Variants in TBX20 observed in about 807,000 individuals in gnomAD.
The protein encoded by TBX20 is T-box transcription factor 20, also known as T-box transcription factor TBX20.
A neutral mutation model predicts 42.9 loss-of-function variants in TBX20; 8 were observed. The ratio of observed to expected loss-of-function variants is 0.19; its 90% CI spans 0.11 to 0.34. The LOEUF is 0.34. TBX20 is among the 10% of genes least tolerant of loss of function. The pLI, the probability that TBX20 is intolerant of heterozygous loss-of-function variation, is 1.00. For synonymous variants in TBX20, 198 were observed against 222.8 expected (o/e 0.89, Z 0.99); for missense variants, 411 against 566.0 (o/e 0.73, Z 2.78).
At chr7:35,219,377 G>A (rs1291621519) in intron 6 of TBX20, among the ~76,000 whole-genome samples, 1 of 152,138 alleles carries the variant, frequency 6.6e-6, no homozygotes, top group Non-Finnish European at 1.5e-5. Flanking sequence ...AAAACAGACC[G>A]TGTTCCAATA....
rs776894989 is a variant in TBX20 at position 35,250,208 on chromosome 7, A to C, written c.128-5T>G. Reference sequence around the variant, plus strand: ...ACGACTTCTCCACAAATTGCTCTGGAGGTAAAGAGAATTGTGAATGACAGC... The same window carrying C: ...ACGACTTCTCCACAAATTGCTCTGGCGGTAAAGAGAATTGTGAATGACAGC... On this transcript the variant is annotated splice_polypyrimidine_tract_variant and splice_region_variant and intron_variant, in intron 1 of 7. Transcript: ENST00000408931. 2 of 1,613,982 alleles carry C rather than the reference A, an allele frequency of 1.2e-6. No individual in the cohort carries two copies. The highest frequency in any genetic ancestry group is 2.2e-5 in the South Asian group (2 of 90,996).
chr7:35,218,031 T>A (rs562887984), intron 6 of TBX20, among the ~76,000 whole-genome samples: 1 of 152,328 alleles, frequency 6.6e-6, no homozygotes, highest in East Asian at 1.9e-4. Flanking sequence ...AAAAGCAGAC[T>A]TTAATCTGTC....
At chr7:35,216,932 A>G (rs1789602007) in intron 6 of TBX20, among the ~76,000 whole-genome samples, 1 of 152,154 alleles carries the variant, frequency 6.6e-6, no homozygotes, top group Admixed American at 6.5e-5. Flanking sequence ...CCTTGTCACA[A>G]TATTTTTCTA....
At chr7:35,229,897 T>C in intron 6 of TBX20, among the ~76,000 whole-genome samples, 1 of 152,158 alleles carries the variant, frequency 6.6e-6, no homozygotes, top group Non-Finnish European at 1.5e-5. Context: ...TTTTTTCCAT[T>C]TTCTAGATGA....
intron 6 of TBX20, among the ~76,000 whole-genome samples, chr7:35,208,893 G>C (rs969422616): frequency 1.7e-4 from 26 of 150,644 alleles, no homozygotes; most frequent in African/African-American, 4.2e-4. Context: ...TAGACTAAAG[G>C]TTCTCTTCTA....
intron 3 of TBX20, among the ~76,000 whole-genome samples, chr7:35,245,670 T>G (rs1199466031): frequency 2.0e-5 from 3 of 152,180 alleles, no homozygotes; most frequent in Non-Finnish European, 4.4e-5. Flanking sequence ...CACTACTGCT[T>G]TCATCATTAT....
At chr7:35,215,464 T>C (rs1401059066) in intron 6 of TBX20, among the ~76,000 whole-genome samples, 6 of 152,204 alleles carry the variant, frequency 3.9e-5, no homozygotes, top group African/African-American at 9.7e-5. Flanking sequence ...TAAAATACTG[T>C]ACCCTGAAAA....
Position 35,208,571 on chromosome 7 carries a change from C to T in TBX20, c.891-3989G>A, listed in dbSNP as rs1469156675. ...CAGCCTGACCAACATGGAGAAACCC[C>T]GTCTCTACTAAAAATACAAAATCAG... On this transcript the variant is annotated intron_variant, in intron 6 of 7. Transcript: ENST00000408931. 5.3e-5 allele frequency among the ~76,000 whole-genome samples: 8 copies of T among 151,700 alleles called. No individual in the cohort carries two copies. The South Asian group carries it at 1.2e-3, about 24-fold the overall frequency.
intron 6 of TBX20, among the ~76,000 whole-genome samples, chr7:35,228,678 C>T (rs963731919): frequency 6.6e-6 from 1 of 152,092 alleles, no homozygotes; most frequent in African/African-American, 2.4e-5. Context: ...AGAAAAGAAA[C>T]ATAAAATGCC....
At chr7:35,240,428 C>T (rs1790053986) in intron 5 of TBX20, among the ~76,000 whole-genome samples, 1 of 152,196 alleles carries the variant, frequency 6.6e-6, no homozygotes, top group Non-Finnish European at 1.5e-5. Flanking sequence ...AGAATTATCT[C>T]ACCCTAAATT....
chr7:35,212,879 T>A (rs1789521126), intron 6 of TBX20, among the ~76,000 whole-genome samples: 1 of 152,218 alleles, frequency 6.6e-6, no homozygotes, highest in South Asian at 2.1e-4. Flanking sequence ...GGATCCTCTA[T>A]AAATCTTTGG....
rs758389235 is a variant in TBX20, at chr7:35,202,466, T to C, written c.1308A>G (p.Leu436=). ...GCGTCATCACAGCAGAGGAATGGCG[T>C]AGTCCTTGAATGGCAGCATAGGGCC... ...QQGPYAAIQG[L]RHSSAVMTPF... The change falls in exon 8 of 8, where the codon CTA becomes CTG. Residue 436 remains leucine, a synonymous_variant. Coordinates refer to ENST00000408931, the MANE Select transcript of TBX20 (RefSeq NM_001077653.2). 1.8e-5 allele frequency: 29 copies of C among 1,602,074 alleles called. 1 individual carries two copies. The South Asian group carries it at 2.5e-4, about 14-fold the overall frequency.
At chr7:35,205,634 A>G (rs1483229243) in intron 6 of TBX20, among the ~76,000 whole-genome samples, 5 of 152,228 alleles carry the variant, frequency 3.3e-5, no homozygotes, top group Non-Finnish European at 2.9e-5. Context: ...TAAATATGCA[A>G]ACTTTACCTG....
chr7:35,253,754 G>A lies in TBX20; in HGVS notation c.-134C>T, dbSNP rs959552896. 10 of 1,174,098 alleles carry A rather than the reference G, an allele frequency of 8.5e-6. No homozygotes were observed. In the South Asian group the frequency reaches 1.5e-4, roughly 17 times the overall value. 72.7% of individuals were successfully genotyped at this position (1,174,098 alleles called of 1,614,324 possible). A position where few individuals can be genotyped will look rare whatever the true frequency, so the allele number is the denominator to read the frequency against. ...CACAGCGGGGCCAGGGACTCCAGAA[G>A]TGTCAGCTCCAACGACTCCAGAGCT... On this transcript the variant is annotated 5_prime_UTR_variant, in exon 1 of 8. Transcript: ENST00000408931.
Position 35,231,588 on chromosome 7 carries a change from A to C in TBX20, c.814-8T>G. ...TATTTTCAGCTTCGTTATCTGGAGA[A>C]AGAATGGGTACAAAACAGTATCATT... On this transcript the variant is annotated splice_polypyrimidine_tract_variant and splice_region_variant and intron_variant, in intron 5 of 7. Coordinates refer to ENST00000408931, the MANE Select transcript of TBX20 (RefSeq NM_001077653.2). 6.3e-7 allele frequency: 1 copy of C among 1,589,142 alleles called. No individual in the cohort carries two copies. Among genetic ancestry groups the C allele is most frequent in the Non-Finnish European group, 8.6e-7 (1 of 1,157,382 alleles).
At chr7:35,252,798 A>C (rs1243769767) in intron 1 of TBX20, among the ~76,000 whole-genome samples, 1 of 152,224 alleles carries the variant, frequency 6.6e-6, no homozygotes, top group Non-Finnish European at 1.5e-5. Context: ...GTTAAGAAGA[A>C]CATAATCCCT....
chr7:35,244,881 G>A, intron 4 of TBX20, 68 bp downstream of exon 4: 1 of 1,115,210 alleles, frequency 9.0e-7, no homozygotes, highest in Non-Finnish European at 1.4e-6. Flanking sequence ...GACTCAGAGA[G>A]AGACAGTTTT....
chr7:35,245,171 TTATTG>T, intron 3 of TBX20, 114 bp from the exon 4 acceptor site: 3 of 771,432 alleles, frequency 3.9e-6, no homozygotes, highest in Non-Finnish European at 6.6e-6. Flanking sequence ...GTGGGAAATT[TTATTG>T]CCCTATATAC....
chr7:35,231,893 T>C (rs184234156), intron 5 of TBX20, among the ~76,000 whole-genome samples: 181 of 152,208 alleles, frequency 1.2e-3, no homozygotes, highest in African/African-American at 4.1e-3. Flanking sequence ...TTACATAGTA[T>C]GTCAAAGGCT....
Sources: allele counts gnomAD v4.1 joint callset (sites outside exome capture counted in the v4.1 genomes callset), GRCh38; gene constraint gnomAD v4.1.1; transcripts MANE v1.5; gene names NCBI Gene and HGNC (gene_info 2026-07-23, HGNC 2026-07-21).